Variants in FBXW7 observed in about 807,000 individuals in gnomAD.
FBXW7 encodes F-box and WD repeat domain containing 7.
Under a neutral mutation model 86.3 loss-of-function variants are expected in FBXW7, and 11 were observed. That is an observed-to-expected ratio of 0.13 (90% CI 0.08 to 0.21). The LOEUF (loss-of-function observed/expected upper bound fraction) is 0.21. FBXW7 is among the 10% of genes least tolerant of loss of function. The probability of loss-of-function intolerance (pLI) is 1.00; values close to 1 mark genes in which losing one functional copy is unlikely to be tolerated. For synonymous variants in FBXW7, 313 were observed against 297.9 expected (o/e 1.05, Z -0.52); for missense variants, 488 against 847.4 (o/e 0.58, Z 5.27).
intron 4 of FBXW7, among the ~76,000 whole-genome samples, chr4:152,397,281 A>G (rs2126827841): frequency 6.6e-6 from 1 of 152,168 alleles, no homozygotes; most frequent in African/African-American, 2.4e-5. Context: ...GGAAGAAATT[A>G]AAATTTAGCC....
chr4:152,484,097 T>C (rs1745135640), intron 2 of FBXW7, among the ~76,000 whole-genome samples: 3 of 152,204 alleles, frequency 2.0e-5, no homozygotes, highest in African/African-American at 7.2e-5. Context: ...AAAATAGCTC[T>C]CTCTTCATTT....
chr4:152,332,533 G>T (rs2126546698), intron 8 of FBXW7, 63 bp downstream of exon 8: 3 of 1,396,046 alleles, frequency 2.1e-6, no homozygotes, highest in African/African-American at 1.5e-5. Flanking sequence ...TTTTCTACTT[G>T]TTTTCAGAAT....
At chr4:152,420,714 A>G (rs190443137) in intron 2 of FBXW7, among the ~76,000 whole-genome samples, 5 of 152,320 alleles carry the variant, frequency 3.3e-5, no homozygotes, top group Non-Finnish European at 5.9e-5. Flanking sequence ...GTCAGTGAGC[A>G]GTAATATTTT....
intron 2 of FBXW7, among the ~76,000 whole-genome samples, chr4:152,461,855 T>C (rs968482267): frequency 2.6e-5 from 4 of 152,172 alleles, no homozygotes; most frequent in Non-Finnish European, 5.9e-5. Flanking sequence ...ATACCATCGA[T>C]AGGTCTTGGA....
intron 2 of FBXW7, among the ~76,000 whole-genome samples, chr4:152,450,197 C>T (rs1278609033): frequency 6.6e-6 from 1 of 152,172 alleles, no homozygotes; most frequent in Non-Finnish European, 1.5e-5. Context: ...ACTTCACATT[C>T]AATTTTTTAA....
At chr4:152,352,613 C>G (rs758387799) in intron 4 of FBXW7, 1 of 1,613,662 alleles carries the variant, frequency 6.2e-7, no homozygotes, top group Admixed American at 1.7e-5. Flanking sequence ...GTCACAGATT[C>G]TAATGTGGAC....
chr4:152,531,300 C>T (rs1750005277), intron 2 of FBXW7, among the ~76,000 whole-genome samples: 1 of 152,178 alleles, frequency 6.6e-6, no homozygotes, highest in Admixed American at 6.5e-5. Flanking sequence ...AATCCAATCC[C>T]TATATTTTCA....
chr4:152,433,601 C>T (rs967054231), intron 2 of FBXW7, among the ~76,000 whole-genome samples: 1 of 152,116 alleles, frequency 6.6e-6, no homozygotes, highest in African/African-American at 2.4e-5. Context: ...TGATTGTTTG[C>T]CCTTTCTCAG....
At position 152,445,864 on chromosome 4, in the gene FBXW7, C is replaced by T. The variant is rs1470845059; in HGVS notation, c.-119-33335G>A. The stretch of plus-strand genomic sequence containing the variant: ...GGCAGAGGTTGCAGTGAGCCAAGAT[C>T]GCGCCACTGTACTCCAACCTGGGTG... On this transcript the variant is annotated intron_variant, in intron 2 of 13. Transcript: ENST00000281708. Among the ~76,000 whole-genome samples the T allele has an allele frequency of 4.9e-5, 7 of 144,282 alleles. No individual in the cohort carries two copies. In the East Asian group the frequency reaches 8.5e-4, roughly 18 times the overall value. The allele number at this position is 144,282 out of a possible 152,430, so 94.7% of individuals were successfully genotyped here.
chr4:152,508,583 A>C (rs538407322), intron 2 of FBXW7, among the ~76,000 whole-genome samples: 4 of 151,346 alleles, frequency 2.6e-5, no homozygotes, highest in Non-Finnish European at 5.9e-5. Context: ...CAGCTACTTA[A>C]CAGGCTGAGG....
At chr4:152,323,205 GTTACA>G in intron 13 of FBXW7, 56 bp from the exon 14 acceptor site, 1 of 1,547,040 alleles carries the variant, frequency 6.5e-7, no homozygotes, top group Non-Finnish European at 8.8e-7. Context: ...CTATGAGTTA[GTTACA>G]TTATAATTTG....
intron 2 of FBXW7, among the ~76,000 whole-genome samples, chr4:152,482,151 G>A (rs1023333189): frequency 3.9e-5 from 6 of 152,084 alleles, no homozygotes; most frequent in African/African-American, 9.7e-5. Flanking sequence ...CCTGACTGGC[G>A]AGCAGTCATC....
intron 4 of FBXW7, among the ~76,000 whole-genome samples, chr4:152,351,792 T>C (rs1439240414): frequency 1.3e-5 from 2 of 152,138 alleles, no homozygotes; most frequent in African/African-American, 4.8e-5. Context: ...TAAAAAACAT[T>C]GGTGCAAATA....
At chr4:152,513,277 G>T (rs1432494116) in intron 2 of FBXW7, among the ~76,000 whole-genome samples, 4 of 152,106 alleles carry the variant, frequency 2.6e-5, no homozygotes, top group Non-Finnish European at 5.9e-5. Context: ...TAAAAAAGCT[G>T]CAGGATATGC....
chr4:152,381,701 C>T (rs901945881), intron 4 of FBXW7, among the ~76,000 whole-genome samples: 3 of 151,802 alleles, frequency 2.0e-5, no homozygotes, highest in Middle Eastern at 3.4e-3. Flanking sequence ...TATATAACAG[C>T]AAAAAGTAGT....
intron 2 of FBXW7, among the ~76,000 whole-genome samples, chr4:152,474,029 T>A (rs1206907543): frequency 6.6e-6 from 1 of 152,140 alleles, no homozygotes; most frequent in African/African-American, 2.4e-5. Flanking sequence ...AGACTAGGAA[T>A]ATAGTTTAGG....
rs762494231 is a variant in FBXW7 at position 152,337,942 on chromosome 4, A to G, written c.727-6T>C. ...TTCTCTGGTCCACTCCAGCTCTATC[A>G]AAGAGAATTAGAAATTTTTATTGTT... On this transcript the variant is annotated splice_region_variant and splice_polypyrimidine_tract_variant and intron_variant, in intron 6 of 13. Transcript: ENST00000281708. The G allele has an allele frequency of 1.3e-5, 21 of 1,590,140 alleles. No individual in the cohort carries two copies. In the South Asian group the frequency reaches 2.2e-4, roughly 17 times the overall value.
At chr4:152,457,348 T>C (rs542282698) in intron 2 of FBXW7, among the ~76,000 whole-genome samples, 3 of 152,232 alleles carry the variant, frequency 2.0e-5, no homozygotes, top group Admixed American at 6.5e-5. Context: ...TATGCATTAA[T>C]TAGAACTCAA....
At chr4:152,456,289 GGATGGCTTGAGGCCA>G (rs1433302134) in intron 2 of FBXW7, among the ~76,000 whole-genome samples, 3 of 149,566 alleles carry the variant, frequency 2.0e-5, no homozygotes, top group African/African-American at 7.4e-5. Context: ...TGAAGTGGAA[GGATGGCTTGAGGCCA>G]GAAGTTTGAG....
Sources: gnomAD v4.1 joint callset for allele counts (sites outside exome capture counted in the v4.1 genomes callset) on GRCh38, gnomAD v4.1.1 for gene constraint, MANE v1.5 for transcripts, NCBI Gene and HGNC (gene_info 2026-07-23, HGNC 2026-07-21) for gene names.